The following IL1RAPL2 variants were observed in gnomAD, a reference collection of about 807,000 sequenced individuals.
IL1RAPL2 encodes interleukin 1 receptor accessory protein like 2, also known as X-linked interleukin-1 receptor accessory protein-like 2.
A neutral mutation model predicts 44.1 loss-of-function variants in IL1RAPL2; 3 were observed. That is an observed-to-expected ratio of 0.07 (90% CI 0.03 to 0.18). The LOEUF is 0.18. Ranked by LOEUF, IL1RAPL2 falls within the 10% of genes least tolerant of loss-of-function variation. IL1RAPL2 has a pLI of 1.00. For synonymous variants in IL1RAPL2, 181 were observed against 178.8 expected (o/e 1.01, Z -0.10); for missense variants, 391 against 496.4 (o/e 0.79, Z 2.02).
At chrX:104,960,767 A>C (rs1382055489) in intron 2 of IL1RAPL2, among the ~76,000 whole-genome samples, 1 of 110,776 alleles carries the variant, frequency 9.0e-6, no homozygotes, top group Non-Finnish European at 1.9e-5. Flanking sequence ...TACAGACTAC[A>C]TACTGCAATA....
intron 2 of IL1RAPL2, among the ~76,000 whole-genome samples, chrX:104,807,647 A>G (rs944740490): frequency 3.6e-5 from 4 of 111,778 alleles, no homozygotes; most frequent in African/African-American, 1.3e-4. Context: ...TTAACTCTTC[A>G]TCATGCATCC....
At chrX:105,353,734 G>T (rs1320965210) in intron 5 of IL1RAPL2, among the ~76,000 whole-genome samples, 1 of 111,223 alleles carries the variant, frequency 9.0e-6, no homozygotes, top group Non-Finnish European at 1.9e-5. Flanking sequence ...CTCTGTGTTT[G>T]TCTGTTATTG....
intron 2 of IL1RAPL2, among the ~76,000 whole-genome samples, chrX:104,750,133 T>C (rs938089909): frequency 1.8e-5 from 2 of 112,149 alleles, no homozygotes; most frequent in African/African-American, 3.2e-5. Flanking sequence ...TCCAGACATA[T>C]GCCACATTCA....
At chrX:105,010,568 G>T (rs2031031756) in intron 2 of IL1RAPL2, among the ~76,000 whole-genome samples, 1 of 111,387 alleles carries the variant, frequency 9.0e-6, no homozygotes, top group South Asian at 3.7e-4. Flanking sequence ...AGTTTCTTTA[G>T]ATAGCAATGC....
At chrX:104,820,422 C>T (rs1342886706) in intron 2 of IL1RAPL2, among the ~76,000 whole-genome samples, 2 of 111,297 alleles carry the variant, frequency 1.8e-5, no homozygotes, top group Non-Finnish European at 3.8e-5. Context: ...ACCTTTAGAC[C>T]TGTGTGTGCT....
chrX:105,500,501 ATAT>A (rs1233440411), intron 6 of IL1RAPL2, among the ~76,000 whole-genome samples: 1 of 111,345 alleles, frequency 9.0e-6, no homozygotes, highest in Admixed American at 9.5e-5. Context: ...AGACTGTTCT[ATAT>A]TATTGCTTTA....
chrX:105,488,985 T>G (rs192960056), intron 6 of IL1RAPL2, among the ~76,000 whole-genome samples: 1 of 112,216 alleles, frequency 8.9e-6, no homozygotes, highest in Admixed American at 9.4e-5. Context: ...GATTTAGTGA[T>G]GACAGTTTGG....
At chrX:105,294,197 A>G (rs1569419616) in intron 5 of IL1RAPL2, among the ~76,000 whole-genome samples, 1 of 112,044 alleles carries the variant, frequency 8.9e-6, no homozygotes, top group Non-Finnish European at 1.9e-5. Context: ...ACTTTTATCA[A>G]AAACCTTGAG....
chrX:104,691,335 T>TG (rs1233627625), intron 2 of IL1RAPL2, among the ~76,000 whole-genome samples: 1 of 111,872 alleles, frequency 8.9e-6, no homozygotes, highest in Non-Finnish European at 1.9e-5. Flanking sequence ...TACCAGGCTC[T>TG]GGGATTTCTT....
At chrX:105,284,762 G>A (rs1269468565) in intron 5 of IL1RAPL2, among the ~76,000 whole-genome samples, 1 of 111,592 alleles carries the variant, frequency 9.0e-6, no homozygotes, top group Non-Finnish European at 1.9e-5. Context: ...CACAGCTAAT[G>A]AGGAACTGAG....
intron 8 of IL1RAPL2, among the ~76,000 whole-genome samples, chrX:105,747,492 ATGTGTGTGTGTGTGTGTGTGTGTG>A (rs748769479): frequency 3.4e-5 from 2 of 59,631 alleles, no homozygotes; most frequent in African/African-American, 6.8e-5. Context: ...GTGTGTGTGT[ATGTGTGTGTGTGTGTGTGTGTGTG>A]TATATATATA....
At chrX:105,456,168 T>G (rs2036053558) in intron 5 of IL1RAPL2, among the ~76,000 whole-genome samples, 1 of 112,259 alleles carries the variant, frequency 8.9e-6, no homozygotes, top group African/African-American at 3.2e-5. Flanking sequence ...GTACATTGAT[T>G]TTGTATCCTG....
chrX:105,293,116 C>CAAAAAAAAAAAAAAA (rs10566162), intron 5 of IL1RAPL2, among the ~76,000 whole-genome samples: 1 of 50,855 alleles, frequency 2.0e-5, no homozygotes, highest in African/African-American at 5.8e-5. Flanking sequence ...CGACTCTGTC[C>CAAAAAAAAAAAAAAA]AAAAAAAAAA....
intron 5 of IL1RAPL2, among the ~76,000 whole-genome samples, chrX:105,455,244 G>A (rs2036047094): frequency 8.9e-6 from 1 of 112,183 alleles, no homozygotes; most frequent in Non-Finnish European, 1.9e-5. Context: ...TGCATAGTTT[G>A]CAAAAATTGT....
At chrX:104,848,411 A>G (rs1371136977) in intron 2 of IL1RAPL2, among the ~76,000 whole-genome samples, 1 of 3,199 alleles carries the variant, frequency 3.1e-4, no homozygotes, top group African/African-American at 7.9e-4. Context: ...TTTTATCTGT[A>G]TATATATATA....
chrX:105,694,301 A>G (rs1224668455), intron 6 of IL1RAPL2, among the ~76,000 whole-genome samples: 6 of 111,955 alleles, frequency 5.4e-5, no homozygotes, highest in Non-Finnish European at 9.4e-5. Context: ...AATTAGAGTA[A>G]CGCAGGTAAG....
At chrX:104,673,263 C>T (rs1234886044) in intron 2 of IL1RAPL2, among the ~76,000 whole-genome samples, 1 of 111,222 alleles carries the variant, frequency 9.0e-6, no homozygotes, top group East Asian at 2.8e-4. Context: ...CCATGTTGAA[C>T]TGATTTTTGT....
At chrX:105,014,479 G>A (rs138052014) in intron 2 of IL1RAPL2, among the ~76,000 whole-genome samples, 2,918 of 109,463 alleles carry the variant, frequency 0.027, 35 homozygotes, top group Non-Finnish European at 0.04. Flanking sequence ...ACAACCCCCC[G>A]ACAGGCCCTG....
chrX:105,725,685 A>G lies in IL1RAPL2; in HGVS notation c.902+8189A>G, dbSNP rs765851468. Among the ~76,000 whole-genome samples the G allele has an allele frequency of 5.1e-4, 57 of 111,848 alleles. 1 individual carries two copies. Among genetic ancestry groups the G allele is most frequent in the Non-Finnish European group, 1.0e-3 (53 of 53,074 alleles). On this transcript the variant is annotated intron_variant, in intron 7 of 10. Transcript: ENST00000372582. ...AATAATTGGACTCCCAGGCAGTCCT[A>G]GGGAAAATGATGAGATGTATTTTGG...
Sources: allele counts gnomAD v4.1 joint callset (sites outside exome capture counted in the v4.1 genomes callset), GRCh38; gene constraint gnomAD v4.1.1; transcripts MANE v1.5; gene names NCBI Gene and HGNC (gene_info 2026-07-23, HGNC 2026-07-21).